Variants in PARVG observed in about 807,000 individuals in gnomAD.
The protein encoded by PARVG is gamma-parvin.
Under a neutral mutation model 44.4 loss-of-function variants are expected in PARVG, and 36 were observed. The observed-to-expected ratio is 0.81, with a 90% CI of 0.62 to 1.07. PARVG has a LOEUF of 1.07. Ranked by LOEUF, PARVG falls within the 50% of genes least tolerant of loss-of-function variation. The pLI, the probability that PARVG is intolerant of heterozygous loss-of-function variation, is 0.00. For missense variants in PARVG, 407 were observed against 407.4 expected, an observed-to-expected ratio of 1.00 and a Z score of 0.01; for synonymous variants, 170 against 174.1, an observed-to-expected ratio of 0.98 and a Z score of 0.19.
At chr22:44,174,408 A>G (rs564899305) in intron 1 of PARVG, among the ~76,000 whole-genome samples, 1 of 152,240 alleles carries the variant, frequency 6.6e-6, no homozygotes, top group East Asian at 1.9e-4. Flanking sequence ...TATTATAAAA[A>G]TTGGTTTTGG....
upstream of PARVG, among the ~76,000 whole-genome samples, chr22:44,178,095 C>T (rs569937473): frequency 7.2e-5 from 11 of 152,246 alleles, no homozygotes; most frequent in Admixed American, 2.6e-4. Context: ...TGAGGCCTTC[C>T]CAGCCATGGT....
intron 1 of PARVG, among the ~76,000 whole-genome samples, chr22:44,173,983 G>A (rs1161968047): frequency 6.6e-6 from 1 of 152,158 alleles, no homozygotes; most frequent in Non-Finnish European, 1.5e-5. Context: ...GGACTCAACT[G>A]TTACTATTGA....
At chr22:44,178,378 C>T (rs1269070089), upstream of PARVG, among the ~76,000 whole-genome samples, 1 of 152,100 alleles carries the variant, frequency 6.6e-6, no homozygotes, top group Admixed American at 6.5e-5. Context: ...GTGAGGGGGA[C>T]CCAGACAGAG....
At chr22:44,193,854 T>C (rs2054583191) in intron 9 of PARVG, 31 bp downstream of exon 9, 1 of 1,613,592 alleles carries the variant, frequency 6.2e-7, no homozygotes, top group Non-Finnish European at 8.5e-7. Context: ...TGGAAATCTG[T>C]TCCTATCTGA....
intron 11 of PARVG, 62 bp downstream of exon 11, chr22:44,196,477 G>A (rs946049047): frequency 6.3e-7 from 1 of 1,583,576 alleles, no homozygotes; most frequent in Non-Finnish European, 8.6e-7. Context: ...GAAGGAAAGA[G>A]GGTTCTGCAG....
chr22:44,181,118 T>C lies in PARVG; in HGVS notation c.-256T>C. ...CCTCTGGAAAGCCTTCCCGATCCCC[T>C]TGGCAACAACCACCACCAATATTTA... On this transcript the variant is annotated 5_prime_UTR_variant, in exon 1 of 14. Transcript: ENST00000444313. 1 of 500,454 alleles carries C rather than the reference T, an allele frequency of 2.0e-6. No individual in the cohort carries two copies. Among genetic ancestry groups the C allele is most frequent in the Non-Finnish European group, 2.6e-6 (1 of 386,594 alleles). 31.0% of individuals were successfully genotyped at this position (500,454 alleles called of 1,614,324 possible). A position where few individuals can be genotyped will look rare whatever the true frequency, so the allele number is the denominator to read the frequency against.
At chr22:44,203,325 G>A (rs1466279356) in intron 12 of PARVG, among the ~76,000 whole-genome samples, 1 of 152,142 alleles carries the variant, frequency 6.6e-6, no homozygotes, top group African/African-American at 2.4e-5. Flanking sequence ...TGTGACAAAT[G>A]GGTTCTATGA....
In PARVG at chr22:44,173,250, C is replaced by G. The variant is rs575793523; in HGVS notation, c.-189+59C>G. The G allele has an allele frequency of 6.3e-5, 74 of 1,181,718 alleles. No individual in the cohort carries two copies. The East Asian group carries it at 2.4e-3, about 38-fold the overall frequency. 73.2% of individuals were successfully genotyped at this position (1,181,718 alleles called of 1,614,324 possible). ...GGGTCCAGACCATACGTGCACAAAGCTAGCGGCCAGGAGCACAGGCTGCAT... is the reference window on the plus strand; with the variant it reads ...GGGTCCAGACCATACGTGCACAAAGGTAGCGGCCAGGAGCACAGGCTGCAT... On this transcript the variant is annotated intron_variant, in intron 1 of 13. Transcript: ENST00000422871.
chr22:44,191,388 ATTTTTTTTTT>A (rs35954868), intron 7 of PARVG, among the ~76,000 whole-genome samples: 36 of 63,468 alleles, frequency 5.7e-4, no homozygotes, highest in Admixed American at 1.7e-3. Context: ...AGTCATTTCT[ATTTTTTTTTT>A]TTTTTTTTTT....
chr22:44,184,048 C>T (rs535941989), intron 3 of PARVG: 4 of 156,898 alleles, frequency 2.5e-5, no homozygotes, highest in East Asian at 1.8e-4. Context: ...GGGGGGTTGG[C>T]GGCCACAGTT....
intron 7 of PARVG, among the ~76,000 whole-genome samples, chr22:44,191,302 A>C (rs1263304656): frequency 6.6e-6 from 1 of 150,780 alleles, no homozygotes; most frequent in African/African-American, 2.4e-5. Context: ...TCCCTCATGC[A>C]TAGGGGCTTT....
chr22:44,177,371 T>A (rs2054328581), upstream of PARVG, among the ~76,000 whole-genome samples: 1 of 152,244 alleles, frequency 6.6e-6, no homozygotes, highest in African/African-American at 2.4e-5. Flanking sequence ...ATAACATTGA[T>A]ACAATGGCAT....
chr22:44,193,741 G>A, intron 8 of PARVG, 60 bp from the exon 9 acceptor site: 1 of 1,596,702 alleles, frequency 6.3e-7, no homozygotes, highest in Non-Finnish European at 8.5e-7. Flanking sequence ...TTGAGAAATT[G>A]TAGGTTTGCG....
rs2054783110 is a variant in PARVG, at chr22:44,206,449, G to C, written c.*23G>C. ...TGACCCTCACTGCCTCCAAAGCCCA[G>C]AGCCTGCCTGTCAGCCCAGCTGGAG... On this transcript the variant is annotated 3_prime_UTR_variant, in exon 14 of 14. Transcript: ENST00000444313. 6.2e-7 allele frequency: 1 copy of C among 1,608,448 alleles called. No homozygotes were observed.
intron 6 of PARVG, 147 bp downstream of exon 6, chr22:44,189,401 A>G: frequency 1.6e-6 from 2 of 1,263,120 alleles, no homozygotes; most frequent in Non-Finnish European, 2.2e-6. Flanking sequence ...TAGAAGCCTC[A>G]GGCAGCCACA....
intron 12 of PARVG, among the ~76,000 whole-genome samples, chr22:44,201,584 C>T (rs1011937190): frequency 2.1e-4 from 32 of 152,304 alleles, no homozygotes; most frequent in Non-Finnish European, 2.9e-4. Context: ...GTGGCAGGCA[C>T]GGTGCCTGCT....
intron 2 of PARVG, chr22:44,183,061 A>G: frequency 2.1e-6 from 1 of 486,580 alleles, no homozygotes; most frequent in Non-Finnish European, 3.6e-6. Flanking sequence ...AGGAAGGACC[A>G]CTTCCTCCGC....
At chr22:44,203,571 G>T (rs552438358) in intron 12 of PARVG, among the ~76,000 whole-genome samples, 2 of 152,326 alleles carry the variant, frequency 1.3e-5, no homozygotes, top group African/African-American at 4.8e-5. Flanking sequence ...AGAGCACAGT[G>T]CGGAGTCTGG....
chr22:44,186,818 A>G, intron 4 of PARVG: 1 of 383,752 alleles, frequency 2.6e-6, no homozygotes, highest in South Asian at 1.8e-5. Context: ...CCTGCTGGGT[A>G]CCCTGGAGCC....
Sources: allele counts gnomAD v4.1 joint callset (sites outside exome capture counted in the v4.1 genomes callset), GRCh38; gene constraint gnomAD v4.1.1; transcripts MANE v1.5; gene names NCBI Gene and HGNC (gene_info 2026-07-23, HGNC 2026-07-21).